DPYSL5: variants seen among roughly 807,000 people sequenced by gnomAD.
The protein encoded by DPYSL5 is dihydropyrimidinase-related protein 5.
In DPYSL5, 9 loss-of-function variants were observed where a neutral mutation model predicts 58.4. The observed-to-expected ratio is 0.15, with a 90% CI of 0.09 to 0.27. The LOEUF (loss-of-function observed/expected upper bound fraction) is 0.27. Ranked by LOEUF, DPYSL5 falls within the 10% of genes least tolerant of loss-of-function variation. The pLI is 1.00. For missense variants in DPYSL5, 499 were observed against 770.6 expected (o/e 0.65, Z 4.17); for synonymous variants, 293 against 301.9 (o/e 0.97, Z 0.31).
intron 2 of DPYSL5, among the ~76,000 whole-genome samples, chr2:26,902,097 C>CCCTA (rs1664173670): frequency 6.6e-6 from 1 of 152,048 alleles, no homozygotes; most frequent in Non-Finnish European, 1.5e-5. Flanking sequence ...GGTTTCCAGA[C>CCCTA]GGTGCCAGGA....
At chr2:26,859,086 C>A (rs534868706) in intron 1 of DPYSL5, among the ~76,000 whole-genome samples, 1 of 152,246 alleles carries the variant, frequency 6.6e-6, no homozygotes, top group Admixed American at 6.5e-5. Context: ...TTCCATGTCT[C>A]TATCTAATTT....
At chr2:26,936,178 C>T (rs1024307560) in intron 8 of DPYSL5, among the ~76,000 whole-genome samples, 3 of 152,198 alleles carry the variant, frequency 2.0e-5, no homozygotes, top group Admixed American at 6.5e-5. Context: ...CCAGGACTCT[C>T]CATCCTGCCA....
chr2:26,935,399 T>A (rs2148169725), intron 8 of DPYSL5, among the ~76,000 whole-genome samples: 2 of 152,240 alleles, frequency 1.3e-5, no homozygotes, highest in East Asian at 1.9e-4. Context: ...CCTATTAACA[T>A]TTTTGGGGCC....
Position 26,944,530 on chromosome 2 carries a change from G to A in DPYSL5, c.1441-126G>A. 9.3e-7 allele frequency: 1 copy of A among 1,076,308 alleles called. No individual in the cohort carries two copies. Among genetic ancestry groups the A allele is most frequent in the Non-Finnish European group, 1.3e-6 (1 of 744,782 alleles). The allele number at this position is 1,076,308 out of a possible 1,614,324, so 66.7% of individuals were successfully genotyped here. ...GTTTAAGAAGCCTTGGTCACTTGCA[G>A]TGATTTGGGTCTTGGGCAGAGTGGC... On this transcript the variant is annotated intron_variant, in intron 11 of 12. Coordinates refer to ENST00000288699, the MANE Select transcript of DPYSL5 (RefSeq NM_020134.4). The surrounding 1 kb of genome is among the most constrained non-coding windows in gnomAD (Gnocchi z 4.4).
chr2:26,866,762 C>T (rs1172442066), intron 1 of DPYSL5, among the ~76,000 whole-genome samples: 6 of 144,462 alleles, frequency 4.2e-5, no homozygotes, highest in Non-Finnish European at 7.5e-5. Flanking sequence ...GACAGAGTCT[C>T]ACTCTGTTGC....
At chr2:26,915,320 A>G (rs563573431) in intron 2 of DPYSL5, among the ~76,000 whole-genome samples, 11 of 152,100 alleles carry the variant, frequency 7.2e-5, no homozygotes, top group Non-Finnish European at 1.6e-4. Context: ...CCAGAAACCA[A>G]ATCCAGGTCT....
intron 1 of DPYSL5, among the ~76,000 whole-genome samples, chr2:26,861,804 G>A (rs1378642747): frequency 3.9e-5 from 6 of 152,130 alleles, no homozygotes; most frequent in Non-Finnish European, 7.4e-5. Context: ...CTTTGAATGT[G>A]GCAGGACCTG....
intron 1 of DPYSL5, among the ~76,000 whole-genome samples, chr2:26,883,640 C>G (rs1019421826): frequency 1.4e-4 from 22 of 152,082 alleles, no homozygotes; most frequent in Non-Finnish European, 5.9e-5. Context: ...CTCAAGTGAT[C>G]CACCCACTTC....
intron 6 of DPYSL5, among the ~76,000 whole-genome samples, chr2:26,932,246 AC>A (rs1665053732): frequency 6.6e-6 from 1 of 152,074 alleles, no homozygotes; most frequent in Non-Finnish European, 1.5e-5. Flanking sequence ...ACCAACCTCT[AC>A]GATGCAGCCC....
chr2:26,903,066 CTT>C (rs537308074), intron 2 of DPYSL5, among the ~76,000 whole-genome samples: 1 of 144,510 alleles, frequency 6.9e-6, no homozygotes, highest in African/African-American at 2.5e-5. Context: ...CCTCTACTTT[CTT>C]TTTTTTTTTT....
Position 26,898,581 on chromosome 2 carries a change from G to A in DPYSL5, c.82G>A (p.Val28Ile), listed in dbSNP as rs139435744. 66 of 1,614,082 alleles carry A rather than the reference G, an allele frequency of 4.1e-5. No homozygotes were observed. Among genetic ancestry groups the A allele is most frequent in the Non-Finnish European group, 4.7e-5 (55 of 1,180,042 alleles). The change falls in exon 2 of 13, where the codon GTC becomes ATC. Residue 28 changes from valine to isoleucine, a missense_variant. By Grantham distance (29) the Val-to-Ile change is conservative. Around this residue, in one of 3 missense-constraint regions of DPYSL5, gnomAD observed 404 missense variants for 647.6 expected, o/e 0.62. Transcript: ENST00000288699. The surrounding 1 kb of genome is among the most constrained non-coding windows in gnomAD (Gnocchi z 6.1). ...VNDDCTHEADVYIENGIIQQV... is the reference protein window; with the variant it reads ...VNDDCTHEADIYIENGIIQQV... ...CGATGACTGCACCCACGAGGCTGAC[G>A]TCTACATCGAGAATGGCATCATCCA...
rs1003197252 is a variant in DPYSL5, at chr2:26,858,273, A to G, written c.-5+10019A>G. Among the ~76,000 whole-genome samples the G allele has an allele frequency of 4.1e-5, 6 of 146,222 alleles. No individual in the cohort carries two copies. In the South Asian group the frequency reaches 1.3e-3, roughly 31 times the overall value. Reference sequence around the variant, plus strand: ...TGCAAGCTCCGCCTCCTGGGTTCACACCATTCTCCTGCCTCAGCCTCCTGA... The same window carrying G: ...TGCAAGCTCCGCCTCCTGGGTTCACGCCATTCTCCTGCCTCAGCCTCCTGA... On this transcript the variant is annotated intron_variant, in intron 1 of 12. Coordinates refer to ENST00000288699, the MANE Select transcript of DPYSL5 (RefSeq NM_020134.4).
chr2:26,885,253 C>G (rs1003380287), intron 1 of DPYSL5, among the ~76,000 whole-genome samples: 1 of 152,064 alleles, frequency 6.6e-6, no homozygotes, highest in Non-Finnish European at 1.5e-5. Flanking sequence ...CCTTGTTAAC[C>G]ATATTCACAC....
At chr2:26,939,139 C>CT (rs11381384) in intron 8 of DPYSL5, 144,811 of 151,648 alleles carry the variant, frequency 0.95, 69,508 homozygotes, top group South Asian at 1. Context: ...TGGAGGATGG[C>CT]TTTTTTTTCA....
At chr2:26,858,755 G>A (rs1363102116) in intron 1 of DPYSL5, among the ~76,000 whole-genome samples, 24 of 141,062 alleles carry the variant, frequency 1.7e-4, no homozygotes, top group African/African-American at 5.1e-4. Context: ...TTTTTTTTCC[G>A]TAGAGATAGG....
chr2:26,926,645 G>A (rs1039201180), intron 3 of DPYSL5, among the ~76,000 whole-genome samples: 4 of 152,106 alleles, frequency 2.6e-5, no homozygotes, highest in Non-Finnish European at 4.4e-5. Flanking sequence ...TTGCATAGGT[G>A]TGAGCATTTT....
At chr2:26,939,403 G>C (rs1367670822) in intron 8 of DPYSL5, 1 of 152,478 alleles carries the variant, frequency 6.6e-6, no homozygotes, top group Non-Finnish European at 1.5e-5. Flanking sequence ...GCCTCCCAAA[G>C]TGCTGGGATT....
chr2:26,878,765 A>C (rs1472559535), intron 1 of DPYSL5, among the ~76,000 whole-genome samples: 1 of 152,146 alleles, frequency 6.6e-6, no homozygotes, highest in African/African-American at 2.4e-5. Flanking sequence ...GCCGCTGTCC[A>C]CTTTCCACCC....
At chr2:26,872,395 G>A (rs551420510) in intron 1 of DPYSL5, among the ~76,000 whole-genome samples, 5 of 152,224 alleles carry the variant, frequency 3.3e-5, no homozygotes, top group African/African-American at 9.6e-5. Context: ...TCATCACTAA[G>A]TAAAAAAGTT....
Sources: allele counts gnomAD v4.1 joint callset (sites outside exome capture counted in the v4.1 genomes callset), GRCh38; gene constraint gnomAD v4.1.1; regional missense constraint gnomAD v4.1.1; non-coding constraint Gnocchi (gnomAD v3.1); transcripts MANE v1.5; gene names NCBI Gene and HGNC (gene_info 2026-07-23, HGNC 2026-07-21).